The following TRIM41 variants were observed in gnomAD, a reference collection of about 807,000 sequenced individuals.
The protein encoded by TRIM41 is E3 ubiquitin-protein ligase TRIM41.
A neutral mutation model predicts 60.6 loss-of-function variants in TRIM41; 21 were observed. The ratio of observed to expected loss-of-function variants is 0.35; its 90% confidence interval spans 0.25 to 0.50. The LOEUF (loss-of-function observed/expected upper bound fraction) is 0.50, where lower values mean the gene tolerates loss of function less well. TRIM41 is among the 20% of genes least tolerant of loss of function. The pLI, the probability that TRIM41 is intolerant of heterozygous loss-of-function variation, is 0.98. For missense variants in TRIM41, 846 were observed against 868.3 expected, an observed-to-expected ratio of 0.97 and a Z score of 0.32; for synonymous variants, 407 against 344.9, an observed-to-expected ratio of 1.18 and a Z score of -2.00.
chr5:181,234,354 A>C lies in TRIM41; in HGVS notation c.1472A>C (p.Glu491Ala), dbSNP rs748016588. 1.9e-6 allele frequency: 3 copies of C among 1,605,370 alleles called. No homozygotes were observed. The highest frequency in any genetic ancestry group is 2.5e-6 in the Non-Finnish European group (3 of 1,176,956). Residue 491 changes from glutamate (E) to alanine (A), a missense_variant, in exon 6 of 6, where the codon GAG becomes GCG. Physicochemically the swap from Glu to Ala is moderately radical, Grantham distance 107 (BLOSUM62 -1). Transcript: ENST00000315073. This position sits in a 1 kb window ranked among gnomAD's most constrained non-coding sequence, Gnocchi z 5.6. ...TCCGGCCGGCACTACTGGGAGGTAG[A>C]GGTGGGCGGGCGGCGGGGCTGGGCG... ...FRSGRHYWEVEVGGRRGWAVG... is the reference protein window; with the variant it reads ...FRSGRHYWEVAVGGRRGWAVG...
Position 181,224,326 on chromosome 5 carries a change from C to T in TRIM41, c.327C>T (p.Thr109=), listed in dbSNP as rs754342700. The part of the protein sequence containing the change: ...VEEEEEGVFW[T]SGMSRSSWDN... ...AGGAAGAAGAGGGTGTGTTCTGGAC[C>T]AGTGGCATGAGCAGGTCCAGCTGGG... is the stretch of plus-strand genomic sequence containing the variant. The change falls in exon 1 of 6, where the codon ACC becomes ACT. Residue 109 remains threonine, a synonymous_variant. Coordinates refer to ENST00000315073, the MANE Select transcript of TRIM41 (RefSeq NM_033549.5). 4.3e-6 allele frequency: 7 copies of T among 1,613,620 alleles called. No individual in the cohort carries two copies. Among genetic ancestry groups the T allele is most frequent in the East Asian group, 4.5e-5 (2 of 44,842 alleles).
chr5:181,233,836 T>C lies in TRIM41; in HGVS notation c.1291+73T>C. On this transcript the variant is annotated intron_variant, in intron 5 of 5. Transcript: ENST00000315073. The surrounding 1 kb of genome is among the most constrained non-coding windows in gnomAD (Gnocchi z 4.1). ...CCTGAGACTGGGTCCTGAGGGAAGT[T>C]GGGCCCCAGGGAAACTGTGGGGCTT... is the stretch of plus-strand genomic sequence containing the variant. The C allele has an allele frequency of 1.2e-6, 2 of 1,607,336 alleles. No homozygotes were observed. Among genetic ancestry groups the C allele is most frequent in the Non-Finnish European group, 1.7e-6 (2 of 1,174,948 alleles).
At chr5:181,229,074 G>A (rs11744527) in intron 1 of TRIM41, 15,323 of 151,704 alleles carry the variant, frequency 0.1, 888 homozygotes, top group Non-Finnish European at 0.13. Flanking sequence ...CTATTGTCAC[G>A]AGTTGACTAT....
At position 181,224,241 on chromosome 5, in the gene TRIM41, G is replaced by A; in HGVS notation, c.242G>A (p.Gly81Glu). The change falls in exon 1 of 6, where the codon GGG becomes GAG. Residue 81 changes from glycine (G) to glutamate (E), a missense_variant. Physicochemically the swap from Gly to Glu is moderately conservative, Grantham distance 98 (BLOSUM62 -2). Transcript: ENST00000315073. The stretch of plus-strand genomic sequence containing the variant: ...GTGGAGGCTGTGGGGGCTGGCGCGG[G>A]GTGGGACACCCCCATGCGGGATGAA... Reference protein sequence around the residue: ...EEVEAVGAGAGWDTPMRDEDY... With the variant: ...EEVEAVGAGAEWDTPMRDEDY... 6.2e-7 allele frequency: 1 copy of A among 1,613,584 alleles called. No homozygotes were observed. The highest frequency in any genetic ancestry group is 1.3e-5 in the African/African-American group (1 of 74,928).
Position 181,234,355 on chromosome 5 carries a change from G to A in TRIM41, c.1473G>A (p.Glu491=). ...FRSGRHYWEV[E]VGGRRGWAVG... ...CCGGCCGGCACTACTGGGAGGTAGA[G>A]GTGGGCGGGCGGCGGGGCTGGGCGG... is the stretch of plus-strand genomic sequence containing the variant. The change falls in exon 6 of 6, where the codon GAG becomes GAA. Residue 491 remains glutamate, a synonymous_variant. Transcript: ENST00000315073. The surrounding 1 kb of genome is among the most constrained non-coding windows in gnomAD (Gnocchi z 5.6). 6.2e-7 allele frequency: 1 copy of A among 1,604,416 alleles called. No individual in the cohort carries two copies. Among genetic ancestry groups the A allele is most frequent in the Non-Finnish European group, 8.5e-7 (1 of 1,176,534 alleles).
rs1436104732 is a variant in TRIM41 at position 181,233,302 on chromosome 5, TC to T, written c.1141-109del. On this transcript the variant is annotated intron_variant, in intron 3 of 5. Transcript: ENST00000315073. This position sits in a 1 kb window ranked among gnomAD's most constrained non-coding sequence, Gnocchi z 4.1. ...GGCCGTGAGGGTGCTGCTTCTCCCT[TC>T]CTGCTCAGGTTCAGTCTCTGACTGG... The T allele has an allele frequency of 1.7e-6, 2 of 1,154,262 alleles. No individual in the cohort carries two copies. Among genetic ancestry groups the T allele is most frequent in the East Asian group, 4.7e-5 (2 of 42,892 alleles). The allele number at this position is 1,154,262 out of a possible 1,614,324, so 71.5% of individuals were successfully genotyped here.
rs1227975593 is a variant in TRIM41, at chr5:181,224,169, A to G, written c.170A>G (p.Asp57Gly). 1 of 1,613,932 alleles carries G rather than the reference A, an allele frequency of 6.2e-7. No homozygotes were observed. Among genetic ancestry groups the G allele is most frequent in the Non-Finnish European group, 8.5e-7 (1 of 1,180,006 alleles). The change falls in exon 1 of 6, where the codon GAT becomes GGT. Residue 57 changes from aspartate (D) to glycine (G), a missense_variant. Coordinates refer to ENST00000315073, the MANE Select transcript of TRIM41 (RefSeq NM_033549.5). ...GGTGGGGAGGATGAGGAGGACAGAG[A>G]TGAGTTAGATCGGGAGGAGGAGGAG... ...LWGGEDEEDR[D>G]ELDREEEEED...
In TRIM41 at chr5:181,233,370, ATC is replaced by A. The variant is rs777151007; in HGVS notation, c.1141-39_1141-38del. 1.3e-6 allele frequency: 2 copies of A among 1,500,024 alleles called. No homozygotes were observed. The highest frequency in any genetic ancestry group is 1.7e-5 in the Admixed American group (1 of 59,824). The allele number at this position is 1,500,024 out of a possible 1,614,324, so 92.9% of individuals were successfully genotyped here. On this transcript the variant is annotated intron_variant, in intron 3 of 5. Coordinates refer to ENST00000315073, the MANE Select transcript of TRIM41 (RefSeq NM_033549.5). The surrounding 1 kb of genome is among the most constrained non-coding windows in gnomAD (Gnocchi z 4.1). ...TCCCTGTGCAGCTGACACTCTCTTT[ATC>A]TCTTTCTCCCTCTCCCTCTTTTTGT... is the stretch of plus-strand genomic sequence containing the variant.
At position 181,233,287 on chromosome 5, in the gene TRIM41, G is replaced by A. The variant is rs1472383090; in HGVS notation, c.1141-126G>A. 1.0e-6 allele frequency: 1 copy of A among 984,230 alleles called. No homozygotes were observed. Among genetic ancestry groups the A allele is most frequent in the Non-Finnish European group, 1.6e-6 (1 of 616,370 alleles). 61.0% of individuals were successfully genotyped at this position (984,230 alleles called of 1,614,324 possible). ...TGTGTGTTCATTGAGGGCCGTGAGG[G>A]TGCTGCTTCTCCCTTCCTGCTCAGG... On this transcript the variant is annotated intron_variant, in intron 3 of 5. Transcript: ENST00000315073. This position sits in a 1 kb window ranked among gnomAD's most constrained non-coding sequence, Gnocchi z 4.1.
At chr5:181,226,434 T>C (rs1426351753) in intron 1 of TRIM41, 2 of 152,186 alleles carry the variant, frequency 1.3e-5, no homozygotes, top group African/African-American at 4.8e-5. Flanking sequence ...TGCCTGATTG[T>C]TGGAATTACT....
At chr5:181,225,117 T>A (rs932990290) in intron 1 of TRIM41, 1 of 452,088 alleles carries the variant, frequency 2.2e-6, no homozygotes, top group Non-Finnish European at 4.1e-6. Context: ...TTCGGGTGAG[T>A]CTTAAGTCTG....
rs1407554407 is a variant in TRIM41 at position 181,224,416 on chromosome 5, C to T, written c.417C>T (p.Asp139=). The change falls in exon 1 of 6, where the codon GAC becomes GAT. Residue 139 remains aspartate, a synonymous_variant. Transcript: ENST00000315073. ...EEEDLDYYLG[D]MEEEDLRGED... ...AAGACCTGGACTACTACTTGGGGGA[C>T]ATGGAGGAGGAGGACCTGAGGGGGG... is the stretch of plus-strand genomic sequence containing the variant. 2 of 1,610,396 alleles carry T rather than the reference C, an allele frequency of 1.2e-6. No homozygotes were observed. The highest frequency in any genetic ancestry group is 8.5e-7 in the Non-Finnish European group (1 of 1,178,614).
In TRIM41 at chr5:181,224,455, C is replaced by T. The variant is rs749230301; in HGVS notation, c.456C>T (p.Asp152=). 2.4e-5 allele frequency: 39 copies of T among 1,613,430 alleles called. No individual in the cohort carries two copies. The highest frequency in any genetic ancestry group is 5.0e-5 in the Admixed American group (3 of 59,958). ...EEDLRGEDEE[D]EEEVLEEVEE... ...ACCTGAGGGGGGAGGATGAGGAGGA[C>T]GAGGAGGAAGTGCTGGAGGAGGTTG... Residue 152 remains aspartate, a synonymous_variant, in exon 1 of 6, where the codon GAC becomes GAT. Coordinates refer to ENST00000315073, the MANE Select transcript of TRIM41 (RefSeq NM_033549.5).
rs1472487178 is a variant in TRIM41 at position 181,224,539 on chromosome 5, C to T, written c.540C>T (p.Cys180=). 7 of 1,612,774 alleles carry T rather than the reference C, an allele frequency of 4.3e-6. No individual in the cohort carries two copies. Among genetic ancestry groups the T allele is most frequent in the Non-Finnish European group, 5.9e-6 (7 of 1,178,886 alleles). The change falls in exon 1 of 6, where the codon TGC becomes TGT. Residue 180 remains cysteine (C), a synonymous_variant. Coordinates refer to ENST00000315073, the MANE Select transcript of TRIM41 (RefSeq NM_033549.5). ...CCCCGCCTCCAGCCCCTCGGAGGTG[C>T]TTCACATGCCCTCAGTGCCGAAAGA... ...PLPPPPAPRR[C]FTCPQCRKSF...
At position 181,230,797 on chromosome 5, in the gene TRIM41, G is replaced by A. The variant is rs1201705525; in HGVS notation, c.867G>A (p.Gln289=). The A allele has an allele frequency of 1.2e-6, 2 of 1,613,366 alleles. No homozygotes were observed. The highest frequency in any genetic ancestry group is 1.3e-5 in the African/African-American group (1 of 75,010). Residue 289 remains glutamine (Q), a synonymous_variant, in exon 2 of 6, where the codon CAG becomes CAA. Coordinates refer to ENST00000315073, the MANE Select transcript of TRIM41 (RefSeq NM_033549.5). ...TGAGGAAGCACCTGGAGGCAGTGCA[G>A]AAGATGAAAGCCAAGGAGGAGAGGC... is the stretch of plus-strand genomic sequence containing the variant. ...EPLRKHLEAV[Q]KMKAKEERRV... is the part of the protein sequence containing the mutation.
At chr5:181,224,879 G>A in intron 1 of TRIM41, 67 bp downstream of exon 1, 1 of 1,605,036 alleles carries the variant, frequency 6.2e-7, no homozygotes, top group Non-Finnish European at 8.5e-7. Flanking sequence ...GGGGACCTGG[G>A]AAAAGGAAAC....
chr5:181,235,369 GCTTCA>G lies in TRIM41; in HGVS notation c.*598_*602del. 1 of 1,614,178 alleles carries G rather than the reference GCTTCA, an allele frequency of 6.2e-7. No homozygotes were observed. The stretch of plus-strand genomic sequence containing the variant: ...ACCTCCATAGACCGGCCAGAATTTA[GCTTCA>G]CTTGAGAGAGATCTGGAATGGTCGC... On this transcript the variant is annotated 3_prime_UTR_variant, in exon 6 of 6. Coordinates refer to ENST00000315073, the MANE Select transcript of TRIM41 (RefSeq NM_033549.5).
Position 181,233,818 on chromosome 5 carries a change from C to T in TRIM41, c.1291+55C>T, listed in dbSNP as rs985786870. ...TGCCTTTCCCTTCACAGACCTGAGA[C>T]TGGGTCCTGAGGGAAGTTGGGCCCC... On this transcript the variant is annotated intron_variant, in intron 5 of 5. Coordinates refer to ENST00000315073, the MANE Select transcript of TRIM41 (RefSeq NM_033549.5). The surrounding 1 kb of genome is among the most constrained non-coding windows in gnomAD (Gnocchi z 4.1). The T allele has an allele frequency of 4.3e-6, 7 of 1,613,220 alleles. No homozygotes were observed. The highest frequency in any genetic ancestry group is 1.7e-5 in the Admixed American group (1 of 59,972).
At chr5:181,231,883 G>C (rs1758817523) in intron 2 of TRIM41, 1 of 152,256 alleles carries the variant, frequency 6.6e-6, no homozygotes, top group Non-Finnish European at 1.5e-5. Context: ...CACCCAGGAA[G>C]GGCCATCCCT....
Sources: allele counts gnomAD v4.1 joint callset, GRCh38; gene constraint gnomAD v4.1.1; non-coding constraint Gnocchi (gnomAD v3.1); transcripts MANE v1.5; gene names NCBI Gene and HGNC (gene_info 2026-07-23, HGNC 2026-07-21).